The following RAI2 variants were observed in gnomAD, a reference collection of about 807,000 sequenced individuals.
The protein encoded by RAI2 is retinoic acid-induced protein 2.
A neutral mutation model predicts 15.3 loss-of-function variants in RAI2; 5 were observed. That is an observed-to-expected ratio of 0.33 (90% CI 0.17 to 0.69). The LOEUF (loss-of-function observed/expected upper bound fraction) is 0.69. Ranked by LOEUF, RAI2 falls within the 30% of genes least tolerant of loss-of-function variation. RAI2 has a pLI of 0.69. For missense variants in RAI2, 424 were observed against 424.7 expected (o/e 1.00, Z 0.01); for synonymous variants, 191 against 184.0 (o/e 1.04, Z -0.31).
At position 17,801,769 on chromosome X, in the gene RAI2, A is replaced by G; in HGVS notation, c.242T>C (p.Leu81Pro). The change falls in exon 2 of 2, where the codon CTG becomes CCG. Residue 81 changes from leucine (L) to proline (P), a missense_variant. Leu to Pro is a moderately conservative substitution (Grantham distance 98). Coordinates refer to ENST00000451717, the MANE Select transcript of RAI2 (RefSeq NM_021785.6). ...LKVAATVLQP[L>P]CLGESPVVMP... The stretch of plus-strand genomic sequence containing the variant: ...CACCACTGGGCTCTCCCCGAGGCAC[A>G]GGGGCTGCAACACAGTGGCCGCCAC... 3 of 1,212,014 alleles carry G rather than the reference A, an allele frequency of 2.5e-6. No homozygotes were observed. The highest frequency in any genetic ancestry group is 3.3e-6 in the Non-Finnish European group (3 of 895,572).
At chrX:17,861,006 C>A (rs1021553405) in intron 1 of RAI2, 92 bp downstream of exon 1, 1 of 105,335 alleles carries the variant, frequency 9.5e-6, no homozygotes, top group Non-Finnish European at 2.0e-5. Flanking sequence ...CCAGGCGCGC[C>A]CAGCCCGGCG....
intron 1 of RAI2, among the ~76,000 whole-genome samples, chrX:17,845,981 G>T (rs993615056): frequency 2.7e-5 from 3 of 111,960 alleles, no homozygotes; most frequent in Admixed American, 1.9e-4. Flanking sequence ...CAGATGGGTG[G>T]GATAACAAGA....
intron 1 of RAI2, among the ~76,000 whole-genome samples, chrX:17,803,805 A>G (rs1020455545): frequency 9.0e-6 from 1 of 111,606 alleles, no homozygotes; most frequent in Admixed American, 9.4e-5. Context: ...GCTGGCCAGT[A>G]ACCCCCTTGG....
At chrX:17,837,728 A>C (rs2067351184) in intron 1 of RAI2, 1 of 112,223 alleles carries the variant, frequency 8.9e-6, no homozygotes, top group Non-Finnish European at 1.9e-5. Flanking sequence ...CTTCCTGGGA[A>C]GCCTGCTGGG....
At chrX:17,850,882 G>A (rs961172402) in intron 1 of RAI2, among the ~76,000 whole-genome samples, 2 of 112,705 alleles carry the variant, frequency 1.8e-5, no homozygotes, top group African/African-American at 6.5e-5. Context: ...TGGAATACAG[G>A]GCAGTTTTGT....
Position 17,800,316 on chromosome X carries a change from C to T in RAI2, c.*102G>A. 3 of 1,054,382 alleles carry T rather than the reference C, an allele frequency of 2.8e-6. No individual in the cohort carries two copies. The highest frequency in any genetic ancestry group is 3.8e-6 in the Non-Finnish European group (3 of 797,784). The allele number at this position is 1,054,382 out of a possible 1,213,427, so 86.9% of individuals were successfully genotyped here. On this transcript the variant is annotated 3_prime_UTR_variant, in exon 2 of 2. Transcript: ENST00000451717. ...TTCACCTTTCCATTTCCCAACTACT[C>T]CCCAAAATAATTAACAAAGATAATT...
At chrX:17,808,079 GA>G (rs1168290309) in intron 1 of RAI2, among the ~76,000 whole-genome samples, 1 of 111,566 alleles carries the variant, frequency 9.0e-6, no homozygotes, top group East Asian at 2.8e-4. Flanking sequence ...AACATTATGA[GA>G]TTTTTTTTGC....
chrX:17,830,901 G>C (rs1321450775), intron 1 of RAI2, among the ~76,000 whole-genome samples: 2 of 112,062 alleles, frequency 1.8e-5, no homozygotes, highest in Non-Finnish European at 3.8e-5. Context: ...TGTTTTAATT[G>C]AATGATGATA....
At chrX:17,816,120 A>G (rs1003427317) in intron 1 of RAI2, among the ~76,000 whole-genome samples, 2 of 106,287 alleles carry the variant, frequency 1.9e-5, no homozygotes, top group South Asian at 8.9e-4. Flanking sequence ...TTGATAATAA[A>G]CCATTTACTA....
intron 1 of RAI2, chrX:17,860,713 G>C: frequency 9.0e-6 from 1 of 111,371 alleles, no homozygotes. Context: ...GTGCCTGGGC[G>C]CGGAGTCCGC....
intron 1 of RAI2, among the ~76,000 whole-genome samples, chrX:17,838,830 T>C (rs969088408): frequency 2.7e-5 from 3 of 111,065 alleles, no homozygotes; most frequent in Admixed American, 1.9e-4. Flanking sequence ...TCACACATCA[T>C]ATACACGGCA....
At chrX:17,803,309 T>C (rs2066940389) in intron 1 of RAI2, among the ~76,000 whole-genome samples, 1 of 110,719 alleles carries the variant, frequency 9.0e-6, no homozygotes, top group African/African-American at 3.3e-5. Context: ...GCAGATCATT[T>C]GAGGTCAGGA....
chrX:17,854,674 G>A (rs953478084), intron 1 of RAI2, among the ~76,000 whole-genome samples: 3 of 112,346 alleles, frequency 2.7e-5, no homozygotes, highest in Non-Finnish European at 5.6e-5. Context: ...CTGCCAGCAC[G>A]GCCCGATTCT....
At chrX:17,847,399 C>T (rs1426104504) in intron 1 of RAI2, among the ~76,000 whole-genome samples, 2 of 112,567 alleles carry the variant, frequency 1.8e-5, no homozygotes, top group Non-Finnish European at 3.8e-5. Flanking sequence ...ACCTCAAAAG[C>T]CTCCTGAAAA....
chrX:17,812,543 C>T (rs2067061056), intron 1 of RAI2, among the ~76,000 whole-genome samples: 1 of 112,238 alleles, frequency 8.9e-6, no homozygotes, highest in African/African-American at 3.2e-5. Context: ...AAAAGGTGGC[C>T]AGAACCTTTT....
intron 1 of RAI2, among the ~76,000 whole-genome samples, chrX:17,810,524 C>A: frequency 8.9e-6 from 1 of 112,472 alleles, no homozygotes; most frequent in African/African-American, 3.2e-5. Flanking sequence ...GACTCAGTTT[C>A]CTCTTTTGTA....
At chrX:17,847,274 C>T (rs778610158) in intron 1 of RAI2, among the ~76,000 whole-genome samples, 7 of 112,270 alleles carry the variant, frequency 6.2e-5, no homozygotes, top group Non-Finnish European at 9.4e-5. Flanking sequence ...TTCCTTGCCT[C>T]TCTTTCTGGG....
At chrX:17,821,734 A>G (rs1451910967) in intron 1 of RAI2, among the ~76,000 whole-genome samples, 2 of 111,410 alleles carry the variant, frequency 1.8e-5, no homozygotes, top group Non-Finnish European at 3.8e-5. Flanking sequence ...CTGGGGAAAC[A>G]AAGGCTCAGA....
In RAI2 at chrX:17,800,784, G is replaced by A. The variant is rs367745943; in HGVS notation, c.1227C>T (p.Thr409=). The A allele has an allele frequency of 5.0e-6, 6 of 1,211,530 alleles. No homozygotes were observed. Among genetic ancestry groups the A allele is most frequent in the Middle Eastern group, 2.3e-4 (1 of 4,354 alleles). The change falls in exon 2 of 2, where the codon ACC becomes ACT. Residue 409 remains threonine, a synonymous_variant. Coordinates refer to ENST00000451717, the MANE Select transcript of RAI2 (RefSeq NM_021785.6). ...GGTGGTTGGGCTGGCTGAGCATCTC[G>A]GTAGCAGCATCACTGCTGCTGATGT... ...DSHISSSDAA[T]EMLSQPNHPS... is the part of the protein sequence containing the mutation.
Sources: allele counts gnomAD v4.1 joint callset (sites outside exome capture counted in the v4.1 genomes callset), GRCh38; gene constraint gnomAD v4.1.1; transcripts MANE v1.5; gene names NCBI Gene and HGNC (gene_info 2026-07-23, HGNC 2026-07-21).